IL37: variants seen among roughly 807,000 people sequenced by gnomAD.
IL37 encodes interleukin-37.
Under a neutral mutation model 15.4 loss-of-function variants are expected in IL37, and 15 were observed. The ratio of observed to expected loss-of-function variants is 0.98; its 90% CI spans 0.65 to 1.50. The LOEUF is 1.50. Among genes scored for constraint, IL37 ranks in the 40% most tolerant of loss-of-function variants. IL37 has a pLI of 0.00. For synonymous variants in IL37, 98 were observed against 97.4 expected, an observed-to-expected ratio of 1.01 and a Z score of -0.03; for missense variants, 269 against 261.7, an observed-to-expected ratio of 1.03 and a Z score of -0.19.
chr2:112,917,495 C>A, intron 4 of IL37, 140 bp from the exon 5 acceptor site: 1 of 957,632 alleles, frequency 1.0e-6, no homozygotes, highest in South Asian at 1.6e-5. Context: ...GAAGAGGAGG[C>A]TTAAACCAGT....
At chr2:112,913,240 A>G (rs1190502444) in intron 2 of IL37, 146 bp downstream of exon 2, 3 of 522,508 alleles carry the variant, frequency 5.7e-6, no homozygotes, top group Non-Finnish European at 1.0e-5. Flanking sequence ...ATAACTAGAC[A>G]AGAGAAATTC....
chr2:112,915,174 T>C, intron 3 of IL37: 1 of 1,611,916 alleles, frequency 6.2e-7, no homozygotes, highest in Non-Finnish European at 8.5e-7. Context: ...CTAGTCTGCA[T>C]GTGAGACGCT....
chr2:112,917,326 T>C lies in IL37; in HGVS notation c.265+78T>C, dbSNP rs929497535. 6 of 1,484,772 alleles carry C rather than the reference T, an allele frequency of 4.0e-6. No individual in the cohort carries two copies. The African/African-American group carries it at 8.4e-5, about 21-fold the overall frequency. 92.0% of individuals were successfully genotyped at this position (1,484,772 alleles called of 1,614,324 possible). A position where few individuals can be genotyped will look rare whatever the true frequency, so the allele number is the denominator to read the frequency against. ...CTCCTGCTAGGTGGGCTCAACTCCATGCTATACCATGCCCCATCTCCAGCA... is the reference window on the plus strand; with the variant it reads ...CTCCTGCTAGGTGGGCTCAACTCCACGCTATACCATGCCCCATCTCCAGCA... On this transcript the variant is annotated intron_variant, in intron 4 of 5. Coordinates refer to ENST00000263326, the MANE Select transcript of IL37 (RefSeq NM_014439.4).
At chr2:112,918,294 G>A (rs1045914699) in intron 5 of IL37, among the ~76,000 whole-genome samples, 1 of 147,400 alleles carries the variant, frequency 6.8e-6, no homozygotes. Flanking sequence ...TGAGATTTTG[G>A]TATCCATCTG....
intron 4 of IL37, 62 bp downstream of exon 4, chr2:112,917,310 G>T (rs2708944): frequency 0.078 from 123,243 of 1,583,128 alleles, 5,577 homozygotes; most frequent in African/African-American, 0.17. Context: ...CCTCCTGCTA[G>T]GTGGGCTCAA....
chr2:112,915,601 G>GCTC (rs1371778799), intron 3 of IL37, among the ~76,000 whole-genome samples: 1 of 152,210 alleles, frequency 6.6e-6, no homozygotes, highest in Non-Finnish European at 1.5e-5. Context: ...AGTTCAGCTA[G>GCTC]CTCGGTGACT....
In IL37 at chr2:112,918,673, G is replaced by C. The variant is rs762143334; in HGVS notation, c.521G>C (p.Gly174Ala). ...WNMLESAAHP[G>A]WFICTSCNCN... ...ATGCTGGAGTCGGCGGCTCACCCCGGATGGTTCATCTGCACCTCCTGCAAT... is the reference window on the plus strand; with the variant it reads ...ATGCTGGAGTCGGCGGCTCACCCCGCATGGTTCATCTGCACCTCCTGCAAT... Residue 174 changes from glycine (G) to alanine (A), a missense_variant, in exon 6 of 6, where the codon GGA becomes GCA. Transcript: ENST00000263326. 2 of 1,614,132 alleles carry C rather than the reference G, an allele frequency of 1.2e-6. No individual in the cohort carries two copies. Among genetic ancestry groups the C allele is most frequent in the Non-Finnish European group, 1.7e-6 (2 of 1,180,022 alleles).
intron 3 of IL37, among the ~76,000 whole-genome samples, chr2:112,916,217 C>T (rs544482900): frequency 1.9e-4 from 29 of 152,326 alleles, no homozygotes; most frequent in Non-Finnish European, 3.4e-4. Context: ...ACTGTGTTTT[C>T]ATATTGTCAC....
chr2:112,915,125 A>C, intron 3 of IL37: 1 of 1,465,054 alleles, frequency 6.8e-7, no homozygotes, highest in Non-Finnish European at 9.5e-7. Context: ...TTTGGGGTCA[A>C]GGATCATGAG....
chr2:112,918,370 G>C (rs1279198295), intron 5 of IL37, among the ~76,000 whole-genome samples, 191 bp from the exon 6 acceptor site: 1 of 151,736 alleles, frequency 6.6e-6, no homozygotes, highest in East Asian at 1.9e-4. Context: ...AGAAGGCCTG[G>C]AAAAGAGGGC....
intron 3 of IL37, among the ~76,000 whole-genome samples, chr2:112,915,933 C>T (rs966265967): frequency 2.0e-5 from 3 of 152,114 alleles, no homozygotes; most frequent in Non-Finnish European, 2.9e-5. Flanking sequence ...GTACCACTGA[C>T]GAGTGCAGAG....
Position 112,917,340 on chromosome 2 carries a change from C to G in IL37, c.265+92C>G, listed in dbSNP as rs1039762042. 2.8e-6 allele frequency: 4 copies of G among 1,414,720 alleles called. No individual in the cohort carries two copies. In the African/African-American group the frequency reaches 5.8e-5, roughly 20 times the overall value. The allele number at this position is 1,414,720 out of a possible 1,614,324, so 87.6% of individuals were successfully genotyped here. A position where few individuals can be genotyped will look rare whatever the true frequency, so the allele number is the denominator to read the frequency against. Reference sequence around the variant, plus strand: ...GCTCAACTCCATGCTATACCATGCCCCATCTCCAGCAGGTGGTGGAAGCGA... The same window carrying G: ...GCTCAACTCCATGCTATACCATGCCGCATCTCCAGCAGGTGGTGGAAGCGA... On this transcript the variant is annotated intron_variant, in intron 4 of 5. Transcript: ENST00000263326.
intron 1 of IL37, among the ~76,000 whole-genome samples, chr2:112,912,638 G>A (rs550423919): frequency 1.8e-4 from 28 of 152,318 alleles, no homozygotes; most frequent in African/African-American, 6.0e-4. Flanking sequence ...GTCAGGGACC[G>A]GATTTGGCCA....
At chr2:112,912,818 G>T (rs1443185856) in intron 1 of IL37, among the ~76,000 whole-genome samples, 145 bp from the exon 2 acceptor site, 2 of 152,238 alleles carry the variant, frequency 1.3e-5, no homozygotes, top group Admixed American at 6.5e-5. Flanking sequence ...AGGAGAGCAT[G>T]GTCTGGCCCC....
In IL37 at chr2:112,917,166, C is replaced by T. The variant is rs372997196; in HGVS notation, c.183C>T (p.Ser61=). ...AGAACTTAAACCCGAAGAAATTCAG[C>T]ATTCATGACCAGGATCACAAAGTAC... ...KVKNLNPKKF[S]IHDQDHKVLV... The change falls in exon 4 of 6, where the codon AGC becomes AGT. Residue 61 remains serine (S), a synonymous_variant. Coordinates refer to ENST00000263326, the MANE Select transcript of IL37 (RefSeq NM_014439.4). The T allele has an allele frequency of 1.2e-6, 2 of 1,613,896 alleles. No individual in the cohort carries two copies. Among genetic ancestry groups the T allele is most frequent in the African/African-American group, 2.7e-5 (2 of 74,926 alleles).
intron 4 of IL37, 103 bp from the exon 5 acceptor site, chr2:112,917,532 A>G (rs183240668): frequency 8.5e-7 from 1 of 1,179,418 alleles, no homozygotes; most frequent in Admixed American, 2.3e-5. Flanking sequence ...TGGACCACAG[A>G]GTCAAGGGAG....
intron 2 of IL37, 29 bp from the exon 3 acceptor site, chr2:112,913,763 T>C (rs1283845332): frequency 6.2e-7 from 1 of 1,601,162 alleles, no homozygotes; most frequent in Non-Finnish European, 8.6e-7. Flanking sequence ...CCGAATTGCA[T>C]ATGCTAACCT....
intron 3 of IL37, 96 bp from the exon 4 acceptor site, chr2:112,917,033 T>G (rs1573314702): frequency 6.4e-5 from 88 of 1,377,860 alleles, no homozygotes; most frequent in African/African-American, 2.9e-5. Context: ...ACAGGCAGGG[T>G]GGAGAGCTAG....
At chr2:112,911,683 T>C (rs1241938403) in intron 1 of IL37, among the ~76,000 whole-genome samples, 2 of 152,192 alleles carry the variant, frequency 1.3e-5, no homozygotes, top group Non-Finnish European at 2.9e-5. Context: ...AGGCAGCAGA[T>C]TTCATGAGTA....
Sources: gnomAD v4.1 joint callset for allele counts (sites outside exome capture counted in the v4.1 genomes callset) on GRCh38, gnomAD v4.1.1 for gene constraint, MANE v1.5 for transcripts, NCBI Gene and HGNC (gene_info 2026-07-23, HGNC 2026-07-21) for gene names.